The following TRIQK variants were observed in gnomAD, a reference collection of about 807,000 sequenced individuals.
TRIQK encodes triple QxxK/R motif-containing protein.
TRIQK carries 10 observed loss-of-function variants against 10.8 expected under a neutral mutation model. That is an observed-to-expected ratio of 0.92 (90% CI 0.57 to 1.57). The LOEUF (loss-of-function observed/expected upper bound fraction) is 1.57, where lower values mean the gene tolerates loss of function less well. Among genes scored for constraint, TRIQK ranks in the 40% most tolerant of loss-of-function variants. TRIQK has a pLI of 0.00. For missense variants in TRIQK, 107 were observed against 97.7 expected, an observed-to-expected ratio of 1.09 and a Z score of -0.40; for synonymous variants, 33 against 33.7, an observed-to-expected ratio of 0.98 and a Z score of 0.07.
At chr8:92,981,730 A>T (rs2130744161) in intron 1 of TRIQK, among the ~76,000 whole-genome samples, 1 of 151,648 alleles carries the variant, frequency 6.6e-6, no homozygotes, top group South Asian at 2.1e-4. Flanking sequence ...TTTTTTTATT[A>T]CTCCAATATT....
chr8:92,923,903 A>G (rs1810311093), intron 2 of TRIQK, among the ~76,000 whole-genome samples: 1 of 151,952 alleles, frequency 6.6e-6, no homozygotes, highest in East Asian at 1.9e-4. Flanking sequence ...TCCAGAAAGA[A>G]CAAGTAAAGA....
chr8:92,966,007 C>G lies in TRIQK; in HGVS notation c.-181G>C, dbSNP rs1812733653. 1 of 152,758 alleles carries G rather than the reference C, an allele frequency of 6.5e-6. No homozygotes were observed. Among genetic ancestry groups the G allele is most frequent in the African/African-American group, 2.4e-5 (1 of 41,476 alleles). 9.5% of individuals were successfully genotyped at this position (152,758 alleles called of 1,614,324 possible). On this transcript the variant is annotated splice_region_variant and 5_prime_UTR_variant, in exon 1 of 5. Coordinates refer to ENST00000521988, the MANE Select transcript of TRIQK (RefSeq NM_001171797.2). ...CCCCTCGCACTCGCCGGACACACAC[C>G]TCAGCTCTGCCAAGGCAAGGGCCGA...
intron 2 of TRIQK, among the ~76,000 whole-genome samples, chr8:92,930,535 A>C (rs4735192): frequency 0.7 from 105,634 of 151,918 alleles, 37,073 homozygotes; most frequent in Middle Eastern, 0.82. Flanking sequence ...ATCTACAATT[A>C]TGATGTAAAG....
chr8:92,963,227 C>A (rs561457219), intron 1 of TRIQK, among the ~76,000 whole-genome samples: 30 of 152,246 alleles, frequency 2.0e-4, no homozygotes, highest in Middle Eastern at 3.4e-3. Flanking sequence ...ATGCGTTTTA[C>A]AAAAGCAATA....
chr8:92,956,033 G>A (rs536751533), intron 1 of TRIQK, among the ~76,000 whole-genome samples: 75 of 151,838 alleles, frequency 4.9e-4, no homozygotes, highest in Middle Eastern at 3.4e-3. Flanking sequence ...GAGTTACCAC[G>A]TGACCAGCAA....
intron 2 of TRIQK, among the ~76,000 whole-genome samples, chr8:92,946,849 C>T (rs1484315567): frequency 6.6e-6 from 1 of 151,716 alleles, no homozygotes; most frequent in Non-Finnish European, 1.5e-5. Context: ...CGAGCTCCGC[C>T]TGCTGGGTTC....
At chr8:92,917,665 T>C (rs1393218213) in intron 2 of TRIQK, among the ~76,000 whole-genome samples, 1 of 152,074 alleles carries the variant, frequency 6.6e-6, no homozygotes, top group African/African-American at 2.4e-5. Flanking sequence ...CTGTATACAA[T>C]GAGTAATGAC....
At chr8:93,016,991 C>T (rs1321621168) in intron 1 of TRIQK, among the ~76,000 whole-genome samples, 2 of 151,882 alleles carry the variant, frequency 1.3e-5, no homozygotes, top group Non-Finnish European at 2.9e-5. Context: ...TAAAATTCAA[C>T]GGAAAAAACA....
chr8:92,963,796 G>C (rs1164598695), intron 1 of TRIQK: 2 of 152,244 alleles, frequency 1.3e-5, no homozygotes, highest in African/African-American at 4.8e-5. Context: ...GGGAGGCTGA[G>C]GCAGGAGAAT....
At chr8:92,921,461 C>T (rs1244884489) in intron 2 of TRIQK, 2 of 151,708 alleles carry the variant, frequency 1.3e-5, no homozygotes, top group African/African-American at 2.4e-5. Flanking sequence ...TTTCAACCAA[C>T]AGAATGTGAG....
At chr8:92,899,061 G>C (rs1023775865) in intron 3 of TRIQK, among the ~76,000 whole-genome samples, 1 of 144,966 alleles carries the variant, frequency 6.9e-6, no homozygotes, top group African/African-American at 2.6e-5. Flanking sequence ...GCACAATCTC[G>C]TCTCATTGTA....
intron 2 of TRIQK, among the ~76,000 whole-genome samples, chr8:92,952,014 G>A (rs1315954488): frequency 6.6e-6 from 1 of 151,776 alleles, no homozygotes; most frequent in South Asian, 2.1e-4. Context: ...CCTATTTACA[G>A]CAGTTCCTTT....
chr8:92,911,126 A>G (rs963369049), intron 3 of TRIQK, among the ~76,000 whole-genome samples: 1 of 151,460 alleles, frequency 6.6e-6, no homozygotes, highest in East Asian at 1.9e-4. Context: ...TCAATTTGAG[A>G]AAAAGTAAGA....
At chr8:92,975,059 T>G (rs955056644) in intron 1 of TRIQK, among the ~76,000 whole-genome samples, 1 of 152,166 alleles carries the variant, frequency 6.6e-6, no homozygotes, top group Non-Finnish European at 1.5e-5. Context: ...ATGCTCACCT[T>G]CTGCTCATGT....
At chr8:93,013,033 C>G (rs2130764496) in intron 1 of TRIQK, among the ~76,000 whole-genome samples, 1 of 152,138 alleles carries the variant, frequency 6.6e-6, no homozygotes, top group South Asian at 2.1e-4. Flanking sequence ...GTCTGAGAAC[C>G]ATGATGTCCT....
At chr8:92,899,154 T>C (rs1485591184) in intron 3 of TRIQK, among the ~76,000 whole-genome samples, 1 of 151,694 alleles carries the variant, frequency 6.6e-6, no homozygotes, top group Non-Finnish European at 1.5e-5. Context: ...CAGCTAATTT[T>C]TGTATTTTTA....
intron 1 of TRIQK, among the ~76,000 whole-genome samples, chr8:92,987,490 C>A (rs945306310): frequency 6.6e-6 from 1 of 152,168 alleles, no homozygotes. Context: ...ATTTGGGTTT[C>A]TCCTACATAA....
chr8:92,965,582 G>C (rs975291372), intron 1 of TRIQK: 5 of 152,422 alleles, frequency 3.3e-5, no homozygotes, highest in African/African-American at 1.2e-4. Flanking sequence ...CGAGTAATCG[G>C]TCAGCACAAA....
chr8:92,962,433 G>A (rs567640359), intron 1 of TRIQK, among the ~76,000 whole-genome samples: 1 of 152,168 alleles, frequency 6.6e-6, no homozygotes, highest in African/African-American at 2.4e-5. Context: ...TTTGGCATTG[G>A]AGTGAGACAA....
Sources: allele counts gnomAD v4.1 joint callset (sites outside exome capture counted in the v4.1 genomes callset), GRCh38; gene constraint gnomAD v4.1.1; transcripts MANE v1.5; gene names NCBI Gene and HGNC (gene_info 2026-07-23, HGNC 2026-07-21).